The following CYYR1 variants were observed in gnomAD, a reference collection of about 807,000 sequenced individuals.
CYYR1 encodes cysteine and tyrosine rich 1.
A neutral mutation model predicts 15.2 loss-of-function variants in CYYR1; 14 were observed. The ratio of observed to expected loss-of-function variants is 0.92; its 90% CI spans 0.61 to 1.44. CYYR1 has a LOEUF of 1.44. Among genes scored for constraint, CYYR1 ranks in the 40% most tolerant of loss-of-function variants. CYYR1 has a pLI of 0.00. For synonymous variants in CYYR1, 80 were observed against 77.4 expected, an observed-to-expected ratio of 1.03 and a Z score of -0.18; for missense variants, 228 against 209.5, an observed-to-expected ratio of 1.09 and a Z score of -0.54.
chr21:26,538,589 C>T (rs1178877123), intron 2 of CYYR1, among the ~76,000 whole-genome samples: 1 of 152,080 alleles, frequency 6.6e-6, no homozygotes, highest in Non-Finnish European at 1.5e-5. Context: ...CTCTCTATCT[C>T]TATCTTCCAT....
chr21:26,560,765 C>T (rs1980140858), intron 2 of CYYR1, among the ~76,000 whole-genome samples: 1 of 152,116 alleles, frequency 6.6e-6, no homozygotes, highest in Non-Finnish European at 1.5e-5. Context: ...GCATTTTGTG[C>T]TTCCAGTGGC....
intron 2 of CYYR1, among the ~76,000 whole-genome samples, chr21:26,554,271 T>C (rs901544451): frequency 6.6e-6 from 1 of 152,196 alleles, no homozygotes; most frequent in Non-Finnish European, 1.5e-5. Flanking sequence ...AGATGAGCCA[T>C]TGGAATTCTT....
chr21:26,474,376 A>G (rs1203115100), intron 3 of CYYR1, among the ~76,000 whole-genome samples: 1 of 149,040 alleles, frequency 6.7e-6, no homozygotes, highest in African/African-American at 2.5e-5. Flanking sequence ...TTTCTAGCAC[A>G]TATGCCATGA....
intron 2 of CYYR1, among the ~76,000 whole-genome samples, chr21:26,492,161 G>C (rs219623): frequency 0.84 from 127,937 of 152,262 alleles, 54,570 homozygotes; most frequent in Non-Finnish European, 0.89. Context: ...CAATATCATT[G>C]TCTTTCACTA....
intron 2 of CYYR1, among the ~76,000 whole-genome samples, chr21:26,488,373 G>C (rs2065281415): frequency 6.6e-6 from 1 of 151,744 alleles, no homozygotes; most frequent in South Asian, 2.1e-4. Context: ...TCCCACCTCA[G>C]CCTCCCTAGT....
chr21:26,505,156 A>G (rs752714670), intron 2 of CYYR1, among the ~76,000 whole-genome samples: 7 of 152,256 alleles, frequency 4.6e-5, no homozygotes, highest in Non-Finnish European at 8.8e-5. Context: ...ATGAAATCTG[A>G]AAGAAAACAT....
At chr21:26,499,357 T>C (rs953114487) in intron 2 of CYYR1, among the ~76,000 whole-genome samples, 6 of 152,184 alleles carry the variant, frequency 3.9e-5, no homozygotes, top group Admixed American at 1.3e-4. Context: ...CTGAGGAATG[T>C]TGACAGCACC....
intron 2 of CYYR1, among the ~76,000 whole-genome samples, chr21:26,536,540 G>T (rs1817157116): frequency 6.6e-6 from 1 of 152,180 alleles, no homozygotes; most frequent in Admixed American, 6.5e-5. Context: ...CCATTCTTCA[G>T]AGGGTTTCGT....
At chr21:26,519,884 A>G (rs951586497) in intron 2 of CYYR1, among the ~76,000 whole-genome samples, 2 of 152,088 alleles carry the variant, frequency 1.3e-5, no homozygotes, top group Admixed American at 6.5e-5. Context: ...TACTAGGTAT[A>G]TACCCAAAGT....
intron 2 of CYYR1, among the ~76,000 whole-genome samples, chr21:26,512,496 C>T (rs985868638): frequency 3.3e-5 from 5 of 152,208 alleles, no homozygotes; most frequent in African/African-American, 4.8e-5. Context: ...CCACCGCGCC[C>T]GGCCCACAGA....
At chr21:26,514,947 G>T (rs1009400504) in intron 2 of CYYR1, among the ~76,000 whole-genome samples, 31 of 152,308 alleles carry the variant, frequency 2.0e-4, no homozygotes, top group African/African-American at 6.7e-4. Context: ...TATTTATTAA[G>T]TGAATAATGA....
At chr21:26,512,098 A>G (rs2065656106) in intron 2 of CYYR1, among the ~76,000 whole-genome samples, 1 of 152,102 alleles carries the variant, frequency 6.6e-6, no homozygotes, top group African/African-American at 2.4e-5. Flanking sequence ...ATACAGACAA[A>G]ACTGCATCAT....
At chr21:26,529,375 T>C (rs932305065) in intron 2 of CYYR1, among the ~76,000 whole-genome samples, 1 of 152,244 alleles carries the variant, frequency 6.6e-6, no homozygotes, top group Admixed American at 6.5e-5. Context: ...CAGAGTCACA[T>C]ATTAATATAC....
intron 2 of CYYR1, among the ~76,000 whole-genome samples, chr21:26,532,282 A>G (rs2065941526): frequency 6.6e-6 from 1 of 152,194 alleles, no homozygotes; most frequent in African/African-American, 2.4e-5. Flanking sequence ...AGGTGCCTAT[A>G]GACAACATGG....
At chr21:26,498,096 T>C (rs896345982) in intron 2 of CYYR1, among the ~76,000 whole-genome samples, 1 of 152,214 alleles carries the variant, frequency 6.6e-6, no homozygotes, top group African/African-American at 2.4e-5. Flanking sequence ...TCTTCATATA[T>C]TCACTTACTA....
At chr21:26,480,200 T>C (rs1326181058) in intron 3 of CYYR1, 72 bp downstream of exon 3, 6 of 1,440,076 alleles carry the variant, frequency 4.2e-6, no homozygotes, top group African/African-American at 1.4e-5. Context: ...ATCTAGAATG[T>C]TTCCTTCTCT....
chr21:26,558,855 C>T (rs1054053382), intron 2 of CYYR1, among the ~76,000 whole-genome samples: 1 of 152,152 alleles, frequency 6.6e-6, no homozygotes, highest in Non-Finnish European at 1.5e-5. Flanking sequence ...CACGAATATA[C>T]TCTATCCACT....
intron 3 of CYYR1, among the ~76,000 whole-genome samples, chr21:26,476,164 T>C (rs2123382865): frequency 6.6e-6 from 1 of 152,268 alleles, no homozygotes; most frequent in East Asian, 1.9e-4. Context: ...CTTGAAAGAC[T>C]ACAGGCCAGT....
At chr21:26,555,055 G>A (rs1220864294) in intron 2 of CYYR1, among the ~76,000 whole-genome samples, 1 of 152,086 alleles carries the variant, frequency 6.6e-6, no homozygotes, top group Non-Finnish European at 1.5e-5. Context: ...GTGATATTAG[G>A]AGATCTAAGT....
Sources: gnomAD v4.1 joint callset for allele counts (sites outside exome capture counted in the v4.1 genomes callset) on GRCh38, gnomAD v4.1.1 for gene constraint, MANE v1.5 for transcripts, NCBI Gene and HGNC (gene_info 2026-07-23, HGNC 2026-07-21) for gene names.